CDH20: variants seen among roughly 807,000 people sequenced by gnomAD.
The protein encoded by CDH20 is cadherin-20.
In CDH20, 29 loss-of-function variants were observed where a neutral mutation model predicts 74.2. The ratio of observed to expected loss-of-function variants is 0.39; its 90% CI spans 0.29 to 0.53. The LOEUF is 0.53. Among genes scored for constraint, CDH20 ranks in the 20% least tolerant of loss-of-function variants. The probability of loss-of-function intolerance (pLI) is 0.69; values close to 1 mark genes in which losing one functional copy is unlikely to be tolerated. For missense variants in CDH20, 988 were observed against 1,048.3 expected (o/e 0.94, Z 0.79); for synonymous variants, 469 against 405.4 (o/e 1.16, Z -1.88).
At chr18:61,534,232 G>GT (rs1165446720) in intron 7 of CDH20, among the ~76,000 whole-genome samples, 3 of 152,146 alleles carry the variant, frequency 2.0e-5, no homozygotes, top group Non-Finnish European at 4.4e-5. Flanking sequence ...AACATGAAAC[G>GT]TAAGTGTTGG....
At chr18:61,543,454 C>T (rs1913112343) in intron 9 of CDH20, among the ~76,000 whole-genome samples, 1 of 152,194 alleles carries the variant, frequency 6.6e-6, no homozygotes, top group Non-Finnish European at 1.5e-5. Context: ...CTGTAACCCC[C>T]TCAGCCTGCC....
At chr18:61,411,457 A>G (rs1912499621) in intron 1 of CDH20, among the ~76,000 whole-genome samples, 1 of 152,172 alleles carries the variant, frequency 6.6e-6, no homozygotes, top group Non-Finnish European at 1.5e-5. Flanking sequence ...TTGCGCATGC[A>G]TATTTATAAC....
In CDH20 at chr18:61,500,495, TA is replaced by T; in HGVS notation, c.658del (p.Thr220GlnfsTer3). On this transcript the variant is annotated frameshift_variant, in exon 4 of 12. Transcript: ENST00000262717. LOFTEE classifies it high-confidence loss of function. ...GCCAGCCATATTTTTCTGTGGACTCTAAAACAGGTATCTGATACAAGGGTCG... is the reference window on the plus strand; with the variant it reads ...GCCAGCCATATTTTTCTGTGGACTCTAAACAGGTATCTGATACAAGGGTCG... ...QGQPYFSVDS[K>X]TGVIRTALMN... is the part of the protein sequence containing the mutation. 1 of 1,609,032 alleles carries T rather than the reference TA, an allele frequency of 6.2e-7. No homozygotes were observed. Among genetic ancestry groups the T allele is most frequent in the Non-Finnish European group, 8.5e-7 (1 of 1,176,782 alleles).
chr18:61,455,237 G>T (rs7228812), intron 1 of CDH20, among the ~76,000 whole-genome samples: 82,876 of 152,048 alleles, frequency 0.55, 23,774 homozygotes, highest in African/African-American at 0.73. Context: ...TAAAGAGCTG[G>T]GACAACTAAA....
intron 1 of CDH20, among the ~76,000 whole-genome samples, chr18:61,452,734 T>G (rs1909436553): frequency 6.6e-6 from 1 of 152,150 alleles, no homozygotes; most frequent in African/African-American, 2.4e-5. Flanking sequence ...CACTTGTATG[T>G]TTCCCTCTTG....
chr18:61,379,107 G>T lies in CDH20; in HGVS notation c.-153+45280G>T, dbSNP rs1345749618. 2.6e-5 allele frequency among the ~76,000 whole-genome samples: 4 copies of T among 152,090 alleles called. No homozygotes were observed. The South Asian group carries it at 8.3e-4, about 32-fold the overall frequency. On this transcript the variant is annotated intron_variant, in intron 1 of 11. Coordinates refer to ENST00000262717, the MANE Select transcript of CDH20 (RefSeq NM_031891.4). Reference sequence around the variant, plus strand: ...CTTATAATTTTCAGGCTTTTAGGCTGTATCTCTTGAAATGATATATAAAAA... The same window carrying T: ...CTTATAATTTTCAGGCTTTTAGGCTTTATCTCTTGAAATGATATATAAAAA...
chr18:61,481,859 C>A (rs2187274), intron 1 of CDH20, among the ~76,000 whole-genome samples: 137,733 of 152,136 alleles, frequency 0.91, 62,537 homozygotes, highest in East Asian at 1. Context: ...CCCAACATTA[C>A]TTTGGCATGC....
At chr18:61,334,051 G>C (rs183348439) in intron 1 of CDH20, among the ~76,000 whole-genome samples, 2 of 152,292 alleles carry the variant, frequency 1.3e-5, no homozygotes, top group African/African-American at 4.8e-5. Context: ...CCGGGACTGG[G>C]GGAGCTGCTC....
At chr18:61,431,002 T>C (rs1913234795) in intron 1 of CDH20, among the ~76,000 whole-genome samples, 1 of 152,154 alleles carries the variant, frequency 6.6e-6, no homozygotes, top group South Asian at 2.1e-4. Context: ...GCGACAGAGA[T>C]AGGAAATATA....
chr18:61,462,391 T>A (rs1445612998), intron 1 of CDH20, among the ~76,000 whole-genome samples: 2 of 152,134 alleles, frequency 1.3e-5, no homozygotes, highest in Non-Finnish European at 2.9e-5. Flanking sequence ...TGCCTCAATA[T>A]TGGGTTAAGG....
chr18:61,535,904 C>G (rs887032445), intron 7 of CDH20, among the ~76,000 whole-genome samples: 1 of 152,150 alleles, frequency 6.6e-6, no homozygotes, highest in Non-Finnish European at 1.5e-5. Context: ...TAGCCAGATC[C>G]GGTCCATCCT....
chr18:61,520,027 G>A (rs1283962934), intron 6 of CDH20, among the ~76,000 whole-genome samples: 1 of 149,456 alleles, frequency 6.7e-6, no homozygotes, highest in Non-Finnish European at 1.5e-5. Flanking sequence ...GATCAAAAAA[G>A]ACAAAAAGGC....
At chr18:61,551,667 T>TA (rs1164462248) in intron 11 of CDH20, among the ~76,000 whole-genome samples, 1 of 152,200 alleles carries the variant, frequency 6.6e-6, no homozygotes, top group Non-Finnish European at 1.5e-5. Flanking sequence ...CATTGACAAG[T>TA]AAAACCTCCC....
intron 1 of CDH20, among the ~76,000 whole-genome samples, chr18:61,430,113 T>G (rs1178145141): frequency 6.6e-6 from 1 of 152,178 alleles, no homozygotes; most frequent in East Asian, 1.9e-4. Context: ...GCATCTTTTT[T>G]ATTTTATTGT....
intron 1 of CDH20, among the ~76,000 whole-genome samples, chr18:61,449,907 A>T (rs962704869): frequency 2.6e-5 from 4 of 152,084 alleles, no homozygotes; most frequent in Non-Finnish European, 5.9e-5. Flanking sequence ...GGGATAAATT[A>T]TATTGGCTAT....
intron 1 of CDH20, among the ~76,000 whole-genome samples, chr18:61,454,848 C>T (rs1909519492): frequency 6.6e-6 from 1 of 152,152 alleles, no homozygotes; most frequent in Non-Finnish European, 1.5e-5. Context: ...TTGTAGGTCC[C>T]CATTGTGGTA....
intron 6 of CDH20, among the ~76,000 whole-genome samples, chr18:61,515,930 A>G (rs1911986128): frequency 1.7e-4 from 1 of 5,904 alleles, no homozygotes; most frequent in Admixed American, 2.8e-3. Flanking sequence ...AAGTATAATA[A>G]TAATTTTAAA....
At chr18:61,383,188 C>T (rs1301802243) in intron 1 of CDH20, among the ~76,000 whole-genome samples, 3 of 152,162 alleles carry the variant, frequency 2.0e-5, no homozygotes, top group Non-Finnish European at 2.9e-5. Flanking sequence ...ATCAATAATG[C>T]TTATCTGAAA....
intron 1 of CDH20, among the ~76,000 whole-genome samples, chr18:61,423,938 T>G (rs1267791177): frequency 2.6e-5 from 4 of 152,222 alleles, no homozygotes; most frequent in African/African-American, 9.6e-5. Context: ...ATGTTTATAT[T>G]TTTTCTAATT....
Sources: allele counts gnomAD v4.1 joint callset (sites outside exome capture counted in the v4.1 genomes callset), GRCh38; gene constraint gnomAD v4.1.1; transcripts MANE v1.5; gene names NCBI Gene and HGNC (gene_info 2026-07-23, HGNC 2026-07-21).